The following TMEM232 variants were observed in gnomAD, a reference collection of about 807,000 sequenced individuals.
TMEM232 encodes transmembrane protein 232.
A neutral mutation model predicts 78.8 loss-of-function variants in TMEM232; 80 were observed. That is an observed-to-expected ratio of 1.01 (90% CI 0.85 to 1.22). The LOEUF (loss-of-function observed/expected upper bound fraction) is 1.22, where lower values mean the gene tolerates loss of function less well. Among genes scored for constraint, TMEM232 ranks in the 50% most tolerant of loss-of-function variants. The pLI, the probability that TMEM232 is intolerant of heterozygous loss-of-function variation, is 0.00. For synonymous variants in TMEM232, 297 were observed against 254.3 expected (o/e 1.17, Z -1.60); for missense variants, 881 against 742.2 (o/e 1.19, Z -2.17).
chr5:110,654,907 G>T (rs1788821386), intron 2 of TMEM232, among the ~76,000 whole-genome samples: 1 of 152,080 alleles, frequency 6.6e-6, no homozygotes, highest in African/African-American at 2.4e-5. Flanking sequence ...TCTCTTTGAA[G>T]AAATTGTGAA....
chr5:110,446,969 T>A (rs1344720430), intron 12 of TMEM232, among the ~76,000 whole-genome samples: 1 of 151,932 alleles, frequency 6.6e-6, no homozygotes, highest in South Asian at 2.1e-4. Flanking sequence ...TAAAATGGAA[T>A]TGAGGACCCT....
At chr5:110,704,462 A>G (rs536163681) in intron 1 of TMEM232, among the ~76,000 whole-genome samples, 2 of 152,224 alleles carry the variant, frequency 1.3e-5, no homozygotes, top group South Asian at 4.1e-4. Context: ...ATTTTCCAAA[A>G]TACTGGACCA....
intron 13 of TMEM232, among the ~76,000 whole-genome samples, chr5:110,422,464 G>A (rs1756756347): frequency 7.4e-6 from 1 of 134,920 alleles, no homozygotes; most frequent in Non-Finnish European, 1.5e-5. Flanking sequence ...AGCTTGCAGT[G>A]AGCCAAGGTC....
intron 5 of TMEM232, among the ~76,000 whole-genome samples, chr5:110,633,350 G>A (rs997975228): frequency 6.6e-6 from 1 of 152,008 alleles, no homozygotes; most frequent in African/African-American, 2.4e-5. Flanking sequence ...GACTCAAATG[G>A]TACCACAACA....
chr5:110,561,433 T>G (rs1197177053), intron 11 of TMEM232, among the ~76,000 whole-genome samples: 1 of 152,062 alleles, frequency 6.6e-6, no homozygotes, highest in Non-Finnish European at 1.5e-5. Flanking sequence ...AATACGGTTT[T>G]ATGAGAATTA....
At chr5:110,410,976 C>T (rs1755974857) in intron 2 of TMEM232, among the ~76,000 whole-genome samples, 1 of 152,124 alleles carries the variant, frequency 6.6e-6, no homozygotes, top group African/African-American at 2.4e-5. Flanking sequence ...CTTTCTGAAA[C>T]CCTCTCAGCC....
At chr5:110,659,346 A>G (rs1789493655) in intron 2 of TMEM232, among the ~76,000 whole-genome samples, 1 of 152,040 alleles carries the variant, frequency 6.6e-6, no homozygotes, top group Admixed American at 6.6e-5. Context: ...AAGAACTATT[A>G]CTGAGAAGAT....
intron 2 of TMEM232, among the ~76,000 whole-genome samples, chr5:110,414,431 CTCTAAT>C (rs769378127): frequency 1.4e-4 from 21 of 152,140 alleles, no homozygotes; most frequent in Non-Finnish European, 2.4e-4. Context: ...GAACATATAT[CTCTAAT>C]TCTATCTCTA....
intron 10 of TMEM232, among the ~76,000 whole-genome samples, chr5:110,586,590 ACAC>A (rs577892923): frequency 1.0e-3 from 152 of 151,948 alleles, no homozygotes; most frequent in African/African-American, 3.5e-3. Flanking sequence ...ACACACACAC[ACAC>A]AATTACACAT....
chr5:110,420,587 ACTTC>A lies in TMEM232; in HGVS notation c.1963_1966del (p.Glu655Ter). ...TGACATTTTCTTTTCTAATTAAATTACTTCCTTCCTATAAGGAAGTTCATAGGGC... is the reference window on the plus strand; with the variant it reads ...TGACATTTTCTTTTCTAATTAAATTACTTCCTATAAGGAAGTTCATAGGGC... On this transcript the variant is annotated frameshift_variant, in exon 14 of 14. Transcript: ENST00000455884. LOFTEE classifies it high-confidence loss of function. 2.7e-6 allele frequency: 4 copies of A among 1,458,678 alleles called. No homozygotes were observed. The highest frequency in any genetic ancestry group is 2.7e-6 in the Non-Finnish European group (3 of 1,120,110). The allele number at this position is 1,458,678 out of a possible 1,614,324, so 90.4% of individuals were successfully genotyped here.
intron 10 of TMEM232, among the ~76,000 whole-genome samples, chr5:110,593,104 T>C (rs952963609): frequency 5.3e-5 from 8 of 152,170 alleles, no homozygotes; most frequent in Non-Finnish European, 8.8e-5. Flanking sequence ...AATGACTATA[T>C]TCTTAGCAAG....
chr5:110,577,788 C>T (rs1400056357), intron 10 of TMEM232, among the ~76,000 whole-genome samples: 2 of 151,918 alleles, frequency 1.3e-5, no homozygotes, highest in African/African-American at 2.4e-5. Flanking sequence ...CCAAATACTG[C>T]CTGTTCTTAC....
At chr5:110,536,654 C>T (rs546022183) in intron 11 of TMEM232, among the ~76,000 whole-genome samples, 1 of 152,130 alleles carries the variant, frequency 6.6e-6, no homozygotes, top group Non-Finnish European at 1.5e-5. Context: ...TCTTCCCCTA[C>T]TTGATGGGTC....
chr5:110,566,905 G>A (rs1445695965), intron 11 of TMEM232, among the ~76,000 whole-genome samples: 1 of 151,884 alleles, frequency 6.6e-6, no homozygotes, highest in Non-Finnish European at 1.5e-5. Flanking sequence ...AAGAAAAAGA[G>A]GTTTAATGGA....
chr5:110,613,277 G>T (rs1782536426), intron 8 of TMEM232, among the ~76,000 whole-genome samples: 2 of 151,966 alleles, frequency 1.3e-5, no homozygotes, highest in African/African-American at 4.8e-5. Context: ...TTATAAAAGG[G>T]GTTACTAGAA....
chr5:110,412,233 C>T (rs760227681), intron 2 of TMEM232, among the ~76,000 whole-genome samples: 6 of 152,208 alleles, frequency 3.9e-5, no homozygotes, highest in East Asian at 1.9e-4. Flanking sequence ...CATTTGATGC[C>T]GAAGGCTTTG....
At chr5:110,692,095 G>T (rs141201825) in intron 1 of TMEM232, among the ~76,000 whole-genome samples, 3,210 of 152,042 alleles carry the variant, frequency 0.021, 37 homozygotes, top group Admixed American at 0.024. Flanking sequence ...TAATTTTTTT[G>T]TATTTTTAGT....
chr5:110,579,195 T>A (rs1322626695), intron 10 of TMEM232, among the ~76,000 whole-genome samples: 1 of 150,856 alleles, frequency 6.6e-6, no homozygotes, highest in Non-Finnish European at 1.5e-5. Flanking sequence ...AGTGAGATGA[T>A]ATGTTCAAAG....
chr5:110,724,812 A>AAATGAC (rs1232198324), intron 1 of TMEM232, among the ~76,000 whole-genome samples: 5 of 152,218 alleles, frequency 3.3e-5, no homozygotes, highest in African/African-American at 1.2e-4. Context: ...CCAGATAGGT[A>AAATGAC]TAGAGCACCT....
Sources: gnomAD v4.1 joint callset for allele counts (sites outside exome capture counted in the v4.1 genomes callset) on GRCh38, gnomAD v4.1.1 for gene constraint, MANE v1.5 for transcripts, NCBI Gene and HGNC (gene_info 2026-07-23, HGNC 2026-07-21) for gene names.